PEPD: variants seen among roughly 807,000 people sequenced by gnomAD.
The protein encoded by PEPD is xaa-Pro dipeptidase.
Under a neutral mutation model 60.7 loss-of-function variants are expected in PEPD, and 53 were observed. The ratio of observed to expected loss-of-function variants is 0.87; its 90% CI spans 0.70 to 1.10. The LOEUF is 1.10. Ranked by LOEUF, PEPD falls within the 50% of genes least tolerant of loss-of-function variation. PEPD has a pLI of 0.00. For missense variants in PEPD, 711 were observed against 711.9 expected (o/e 1.00, Z 0.01); for synonymous variants, 267 against 284.1 (o/e 0.94, Z 0.60).
chr19:33,508,222 A>C (rs1040922047), intron 3 of PEPD, among the ~76,000 whole-genome samples: 2 of 152,146 alleles, frequency 1.3e-5, no homozygotes, highest in Non-Finnish European at 2.9e-5. Context: ...GGCCATGAGG[A>C]GGCGAGAGGG....
chr19:33,399,529 G>A (rs1037586383), intron 12 of PEPD, among the ~76,000 whole-genome samples: 6 of 152,012 alleles, frequency 3.9e-5, no homozygotes, highest in Non-Finnish European at 8.8e-5. Flanking sequence ...GCGTCCCTCC[G>A]CGGCTCCTCA....
At chr19:33,479,510 AG>A (rs1334932927) in intron 6 of PEPD, among the ~76,000 whole-genome samples, 1 of 151,924 alleles carries the variant, frequency 6.6e-6, no homozygotes, top group Non-Finnish European at 1.5e-5. Context: ...TCTGCCACCT[AG>A]GTATTAAGTC....
rs920707789 is a variant in PEPD at position 33,392,363 on chromosome 19, C to T, written c.968-884G>A. On this transcript the variant is annotated intron_variant, in intron 12 of 14. Coordinates refer to ENST00000244137, the MANE Select transcript of PEPD (RefSeq NM_000285.4). The stretch of plus-strand genomic sequence containing the variant: ...CCCACGGGTGCGCCCGTCCCATCCC[C>T]GGACTCTGTGGAATCCCAGCATCAG... Among the ~76,000 whole-genome samples the T allele has an allele frequency of 3.9e-5, 6 of 152,228 alleles. No individual in the cohort carries two copies. In the South Asian group the frequency reaches 6.2e-4, roughly 16 times the overall value.
At chr19:33,433,095 C>A (rs181378815) in intron 9 of PEPD, among the ~76,000 whole-genome samples, 1 of 152,356 alleles carries the variant, frequency 6.6e-6, no homozygotes, top group East Asian at 1.9e-4. Flanking sequence ...CCAGGAGCTA[C>A]ACACCCATTT....
intron 7 of PEPD, among the ~76,000 whole-genome samples, chr19:33,472,024 G>A (rs1236507131): frequency 2.6e-5 from 4 of 152,160 alleles, no homozygotes; most frequent in African/African-American, 9.7e-5. Flanking sequence ...AGCCGGGCAT[G>A]GTGGCACATG....
chr19:33,465,812 A>G (rs1326288697), intron 7 of PEPD, among the ~76,000 whole-genome samples: 3 of 152,170 alleles, frequency 2.0e-5, no homozygotes, highest in African/African-American at 7.2e-5. Context: ...GTTGCACTCC[A>G]TGCAAAAATT....
chr19:33,441,568 G>C (rs11669280), intron 9 of PEPD, among the ~76,000 whole-genome samples: 11,509 of 152,260 alleles, frequency 0.076, 541 homozygotes, highest in Non-Finnish European at 0.11. Flanking sequence ...CCACCACCAG[G>C]GTAGGAGGCA....
intron 9 of PEPD, among the ~76,000 whole-genome samples, chr19:33,419,310 A>G (rs995188429): frequency 4.6e-5 from 7 of 152,150 alleles, no homozygotes; most frequent in African/African-American, 1.7e-4. Flanking sequence ...CACTGTGGGG[A>G]TGGGTGGGCA....
intron 4 of PEPD, among the ~76,000 whole-genome samples, chr19:33,497,781 G>A (rs1202911915): frequency 6.6e-6 from 1 of 152,152 alleles, no homozygotes; most frequent in Non-Finnish European, 1.5e-5. Flanking sequence ...CCCAGCTCAG[G>A]GGGTTCAGTC....
At chr19:33,493,422 G>T in intron 4 of PEPD, 85 bp from the exon 5 acceptor site, 1 of 946,828 alleles carries the variant, frequency 1.1e-6, no homozygotes, top group Non-Finnish European at 1.7e-6. Flanking sequence ...CATAATGACA[G>T]TGCACATTTA....
At position 33,421,904 on chromosome 19, in the gene PEPD, G is replaced by A. The variant is rs181597792; in HGVS notation, c.672-8261C>T. Among the ~76,000 whole-genome samples, 216 of 152,152 alleles carry A rather than the reference G, an allele frequency of 1.4e-3. 1 individual carries two copies. Among genetic ancestry groups the A allele is most frequent in the Non-Finnish European group, 1.9e-3 (129 of 68,000 alleles). On this transcript the variant is annotated intron_variant, in intron 9 of 14. Coordinates refer to ENST00000244137, the MANE Select transcript of PEPD (RefSeq NM_000285.4). ...GGTTCTCTCTCCCCTGGGAGATGGCGATGGTGGCTGGGGATGGTGAATGGT... is the reference window on the plus strand; with the variant it reads ...GGTTCTCTCTCCCCTGGGAGATGGCAATGGTGGCTGGGGATGGTGAATGGT...
rs946034335 is a variant in PEPD at position 33,418,971 on chromosome 19, G to A, written c.672-5328C>T. Among the ~76,000 whole-genome samples, 4 of 152,294 alleles carry A rather than the reference G, an allele frequency of 2.6e-5. No homozygotes were observed. In the South Asian group the frequency reaches 6.2e-4, roughly 24 times the overall value. The stretch of plus-strand genomic sequence containing the variant: ...GTGTAGCCGGCACCAACATGGCAGC[G>A]TCAGACACAGGCCGTCTGCAGCAGA... On this transcript the variant is annotated intron_variant, in intron 9 of 14. Transcript: ENST00000244137.
intron 9 of PEPD, among the ~76,000 whole-genome samples, chr19:33,452,742 G>C (rs552042700): frequency 9.6e-4 from 146 of 152,316 alleles, no homozygotes; most frequent in Non-Finnish European, 1.6e-3. Flanking sequence ...GACTCTAAAA[G>C]TGATGAATTT....
intron 4 of PEPD, 29 bp from the exon 5 acceptor site, chr19:33,493,366 TA>T: frequency 6.5e-7 from 1 of 1,535,684 alleles, no homozygotes; most frequent in Non-Finnish European, 9.0e-7. Flanking sequence ...AAACCCACTT[TA>T]GAGGCACCAC....
chr19:33,493,202 TG>T, intron 5 of PEPD, 87 bp downstream of exon 5: 1 of 943,212 alleles, frequency 1.1e-6, no homozygotes, highest in Non-Finnish European at 1.7e-6. Flanking sequence ...TCCTCCCCTA[TG>T]GGCCCGACCT....
At chr19:33,492,420 A>T (rs898033768) in intron 5 of PEPD, among the ~76,000 whole-genome samples, 2 of 152,058 alleles carry the variant, frequency 1.3e-5, no homozygotes, top group Non-Finnish European at 2.9e-5. Flanking sequence ...ATGGGTAGAT[A>T]TTAGGTGTAT....
intron 7 of PEPD, among the ~76,000 whole-genome samples, chr19:33,466,738 A>C (rs555090189): frequency 6.6e-6 from 1 of 151,150 alleles, no homozygotes; most frequent in African/African-American, 2.4e-5. Flanking sequence ...GCATGTATAT[A>C]TGTTGCTTTT....
chr19:33,448,700 G>A (rs1371522169), intron 9 of PEPD, among the ~76,000 whole-genome samples: 3 of 151,996 alleles, frequency 2.0e-5, no homozygotes, highest in Non-Finnish European at 4.4e-5. Flanking sequence ...GGGAGGTGAC[G>A]GGGAGCGGTG....
intron 14 of PEPD, 86 bp from the exon 15 acceptor site, chr19:33,387,567 C>T: frequency 1.3e-6 from 2 of 1,536,650 alleles, no homozygotes; most frequent in Non-Finnish European, 1.8e-6. Context: ...GCCCACCCCA[C>T]CATGGGATGG....
Sources: allele counts gnomAD v4.1 joint callset (sites outside exome capture counted in the v4.1 genomes callset), GRCh38; gene constraint gnomAD v4.1.1; transcripts MANE v1.5; gene names NCBI Gene and HGNC (gene_info 2026-07-23, HGNC 2026-07-21).